Variants in TRAF3 observed in about 807,000 individuals in gnomAD.
TRAF3 encodes TNF receptor-associated factor 3.
A neutral mutation model predicts 62.3 loss-of-function variants in TRAF3; 13 were observed. The observed-to-expected ratio is 0.21, with a 90% CI of 0.14 to 0.33. The LOEUF (loss-of-function observed/expected upper bound fraction) is 0.33. TRAF3 is among the 10% of genes least tolerant of loss of function. The pLI, the probability that TRAF3 is intolerant of heterozygous loss-of-function variation, is 1.00. For synonymous variants in TRAF3, 269 were observed against 283.4 expected (o/e 0.95, Z 0.51); for missense variants, 440 against 741.8 (o/e 0.59, Z 4.73).
intron 10 of TRAF3, among the ~76,000 whole-genome samples, chr14:102,901,846 G>T (rs1243989357): frequency 6.6e-6 from 1 of 152,260 alleles, no homozygotes; most frequent in Non-Finnish European, 1.5e-5. Context: ...AAAAGGAGAA[G>T]TGAATTCAGG....
chr14:102,864,096 T>A (rs922218550), intron 2 of TRAF3, among the ~76,000 whole-genome samples: 15 of 152,314 alleles, frequency 9.8e-5, no homozygotes, highest in African/African-American at 3.4e-4. Flanking sequence ...AAGTTTTTAA[T>A]TAGTTTTCCA....
At chr14:102,787,936 A>G (rs899187746) in intron 1 of TRAF3, among the ~76,000 whole-genome samples, 5 of 146,796 alleles carry the variant, frequency 3.4e-5, no homozygotes, top group South Asian at 2.1e-4. Flanking sequence ...ACTGCAACCT[A>G]TGCGTCCCAG....
At chr14:102,795,596 A>ATGTGTGTG (rs1189667975) in intron 1 of TRAF3, among the ~76,000 whole-genome samples, 6,114 of 129,134 alleles carry the variant, frequency 0.047, 258 homozygotes, top group African/African-American at 0.14. Flanking sequence ...TGATATGTAT[A>ATGTGTGTG]TATGTGTGTG....
At chr14:102,847,590 G>T (rs1460647926) in intron 2 of TRAF3, among the ~76,000 whole-genome samples, 1 of 152,192 alleles carries the variant, frequency 6.6e-6, no homozygotes, top group Non-Finnish European at 1.5e-5. Flanking sequence ...GGTTGGCGTT[G>T]CTTTGCTCCT....
At chr14:102,812,229 C>T (rs1486669748) in intron 1 of TRAF3, among the ~76,000 whole-genome samples, 1 of 151,876 alleles carries the variant, frequency 6.6e-6, no homozygotes, top group East Asian at 1.9e-4. Context: ...TTTTAGCTTC[C>T]ACATGTATTA....
In TRAF3 at chr14:102,911,391, T is replaced by C. The variant is rs773399072; in HGVS notation, c.*5607T>C. 1.3e-5 allele frequency: 2 copies of C among 152,276 alleles called. No homozygotes were observed. The highest frequency in any genetic ancestry group is 2.9e-5 in the Non-Finnish European group (2 of 68,052). The allele number at this position is 152,276 out of a possible 1,614,324, so 9.4% of individuals were successfully genotyped here. A position where few individuals can be genotyped will look rare whatever the true frequency, so the allele number is the denominator to read the frequency against. On this transcript the variant is annotated 3_prime_UTR_variant, in exon 12 of 12. Coordinates refer to ENST00000392745, the MANE Select transcript of TRAF3 (RefSeq NM_145725.3). ...ATTTGTGTTTTGAGGTCTTGCAATG[T>C]TTTTGTGTTTCTGATGCTAATAACT...
chr14:102,830,840 ATC>A (rs1191720776), intron 2 of TRAF3, among the ~76,000 whole-genome samples: 4 of 152,228 alleles, frequency 2.6e-5, no homozygotes, highest in Non-Finnish European at 5.9e-5. Flanking sequence ...GTGAATCTGA[ATC>A]ACCACCTGTT....
At chr14:102,822,955 G>A (rs1004678475) in intron 1 of TRAF3, among the ~76,000 whole-genome samples, 5 of 150,644 alleles carry the variant, frequency 3.3e-5, no homozygotes, top group Non-Finnish European at 5.9e-5. Flanking sequence ...GCGGTGAGCC[G>A]AGATCACGCC....
chr14:102,906,562 T>C lies in TRAF3; in HGVS notation c.*778T>C, dbSNP rs1352239247. 2 of 152,264 alleles carry C rather than the reference T, an allele frequency of 1.3e-5. No homozygotes were observed. Among genetic ancestry groups the C allele is most frequent in the Non-Finnish European group, 2.9e-5 (2 of 68,046 alleles). The allele number at this position is 152,264 out of a possible 1,614,324, so 9.4% of individuals were successfully genotyped here. A position where few individuals can be genotyped will look rare whatever the true frequency, so the allele number is the denominator to read the frequency against. On this transcript the variant is annotated 3_prime_UTR_variant, in exon 12 of 12. Transcript: ENST00000392745. ...TTAGAAATGTAAACCTTCAAATATCTGTCGTAGTTAATGACACGACTTCAC... is the reference window on the plus strand; with the variant it reads ...TTAGAAATGTAAACCTTCAAATATCCGTCGTAGTTAATGACACGACTTCAC...
intron 9 of TRAF3, among the ~76,000 whole-genome samples, chr14:102,891,671 G>T (rs1477194992): frequency 6.6e-6 from 1 of 151,804 alleles, no homozygotes; most frequent in Non-Finnish European, 1.5e-5. Context: ...CATCCATCCA[G>T]CACAGAGATG....
intron 1 of TRAF3, among the ~76,000 whole-genome samples, chr14:102,825,231 G>A (rs1421108115): frequency 1.3e-5 from 2 of 152,200 alleles, no homozygotes; most frequent in African/African-American, 4.8e-5. Context: ...GCACCCACTG[G>A]TGCACTTGGA....
At chr14:102,822,191 C>T (rs1900028419) in intron 1 of TRAF3, among the ~76,000 whole-genome samples, 1 of 152,086 alleles carries the variant, frequency 6.6e-6, no homozygotes, top group South Asian at 2.1e-4. Context: ...GGATGCAACA[C>T]TATAAGATTT....
chr14:102,902,458 C>G (rs752184624), intron 10 of TRAF3, among the ~76,000 whole-genome samples: 2 of 152,124 alleles, frequency 1.3e-5, no homozygotes, highest in Non-Finnish European at 2.9e-5. Context: ...TGCCCCAGAC[C>G]CAGCAGCAGG....
chr14:102,891,244 C>A (rs759232349), intron 8 of TRAF3, 81 bp from the exon 9 acceptor site: 188 of 1,316,760 alleles, frequency 1.4e-4, no homozygotes, highest in Non-Finnish European at 1.9e-4. Context: ...TTTAGTGCTG[C>A]TTTTAGGGTC....
At position 102,876,411 on chromosome 14, in the gene TRAF3, C is replaced by G. The variant is rs910521972; in HGVS notation, c.456C>G (p.Asp152Glu). 3 of 1,614,068 alleles carry G rather than the reference C, an allele frequency of 1.9e-6. No individual in the cohort carries two copies. The highest frequency in any genetic ancestry group is 1.7e-5 in the Admixed American group (1 of 59,998). The change falls in exon 6 of 12, where the codon GAC becomes GAG. Residue 152 changes from aspartate (D) to glutamate (E), a missense_variant. Coordinates refer to ENST00000392745, the MANE Select transcript of TRAF3 (RefSeq NM_145725.3). ...AAGAACTTCCATGTGTGCGTCCTGA[C>G]TGCAAAGAAAAGGTCTTGAGGAAAG... Reference protein sequence around the residue: ...HFEELPCVRPDCKEKVLRKDL... With the variant: ...HFEELPCVRPECKEKVLRKDL...
In TRAF3 at chr14:102,854,171, G is replaced by A. The variant is rs140189580; in HGVS notation, c.-17-16014G>A. ...TCATTGTATGAATAGACCACATTTT[G>A]TTTATCCATTTACCAGTTGACCATT... On this transcript the variant is annotated intron_variant, in intron 2 of 11. Transcript: ENST00000392745. Among the ~76,000 whole-genome samples, 137 of 151,832 alleles carry A rather than the reference G, an allele frequency of 9.0e-4. 2 individuals carry two copies. In the East Asian group the frequency reaches 0.025, roughly 28 times the overall value.
chr14:102,883,860 C>G (rs12590238), intron 6 of TRAF3, among the ~76,000 whole-genome samples: 35,744 of 152,126 alleles, frequency 0.23, 4,695 homozygotes, highest in East Asian at 0.4. Context: ...TGCTGGGCTT[C>G]CGCACCCGGC....
At chr14:102,899,950 C>T (rs796138188) in intron 10 of TRAF3, among the ~76,000 whole-genome samples, 21 of 152,092 alleles carry the variant, frequency 1.4e-4, no homozygotes, top group African/African-American at 5.1e-4. Context: ...GAGGCCGAGG[C>T]GGGCGGATCA....
intron 1 of TRAF3, among the ~76,000 whole-genome samples, chr14:102,795,840 T>C (rs1445946787): frequency 6.6e-6 from 1 of 152,194 alleles, no homozygotes; most frequent in African/African-American, 2.4e-5. Context: ...AGACAGGCCT[T>C]GCTGGGTTTA....
Sources: gnomAD v4.1 joint callset for allele counts (sites outside exome capture counted in the v4.1 genomes callset) on GRCh38, gnomAD v4.1.1 for gene constraint, MANE v1.5 for transcripts, NCBI Gene and HGNC (gene_info 2026-07-23, HGNC 2026-07-21) for gene names.